The following ANKS1B variants were observed in gnomAD, a reference collection of about 807,000 sequenced individuals.
ANKS1B encodes ankyrin repeat and sterile alpha motif domain-containing protein 1B.
ANKS1B carries 36 observed loss-of-function variants against 148.3 expected under a neutral mutation model. That is an observed-to-expected ratio of 0.24 (90% CI 0.19 to 0.32). The LOEUF (loss-of-function observed/expected upper bound fraction) is 0.32, where lower values mean the gene tolerates loss of function less well. Among genes scored for constraint, ANKS1B ranks in the 10% least tolerant of loss-of-function variants. ANKS1B has a pLI of 1.00. For synonymous variants in ANKS1B, 542 were observed against 560.8 expected (o/e 0.97, Z 0.47); for missense variants, 1,157 against 1,542.6 (o/e 0.75, Z 4.19).
chr12:99,969,304 G>T (rs1425313697), intron 1 of ANKS1B, among the ~76,000 whole-genome samples: 2 of 152,040 alleles, frequency 1.3e-5, no homozygotes, highest in Non-Finnish European at 2.9e-5. Context: ...TCATCCCCCT[G>T]AGTAGCTAGG....
intron 15 of ANKS1B, among the ~76,000 whole-genome samples, chr12:99,135,904 A>T (rs1485313194): frequency 6.6e-6 from 1 of 152,202 alleles, no homozygotes; most frequent in African/African-American, 2.4e-5. Context: ...AGGAAGACTA[A>T]GGATTAATGT....
intron 10 of ANKS1B, among the ~76,000 whole-genome samples, chr12:99,496,963 T>G (rs1483913225): frequency 1.3e-5 from 2 of 152,112 alleles, no homozygotes; most frequent in Non-Finnish European, 2.9e-5. Context: ...CTCTCCCTAT[T>G]ATGTATTGAA....
intron 9 of ANKS1B, among the ~76,000 whole-genome samples, chr12:99,512,119 A>T (rs893623591): frequency 6.6e-6 from 1 of 152,164 alleles, no homozygotes; most frequent in Non-Finnish European, 1.5e-5. Context: ...CAACAGAGTG[A>T]ACAGACAACC....
intron 12 of ANKS1B, among the ~76,000 whole-genome samples, chr12:99,360,663 C>A (rs2092391674): frequency 6.6e-6 from 1 of 152,024 alleles, no homozygotes. Context: ...ACAGCATGTA[C>A]AAAATAGTGG....
chr12:98,761,507 C>T (rs2098405120), intron 25 of ANKS1B, among the ~76,000 whole-genome samples: 1 of 152,184 alleles, frequency 6.6e-6, no homozygotes, highest in Admixed American at 6.5e-5. Context: ...GCTCCCATAC[C>T]TTTCCACAAC....
At chr12:99,017,956 A>C (rs1000118115) in intron 17 of ANKS1B, among the ~76,000 whole-genome samples, 3 of 152,136 alleles carry the variant, frequency 2.0e-5, no homozygotes, top group African/African-American at 7.2e-5. Context: ...GAAAATGTAC[A>C]AATAGTAAAC....
chr12:99,915,659 T>C (rs1156780959), intron 1 of ANKS1B, among the ~76,000 whole-genome samples: 1 of 152,184 alleles, frequency 6.6e-6, no homozygotes, highest in African/African-American at 2.4e-5. Context: ...GTGGCAATGG[T>C]TGATAAGTCA....
intron 2 of ANKS1B, among the ~76,000 whole-genome samples, chr12:99,823,727 C>A (rs1448217439): frequency 6.6e-6 from 1 of 152,192 alleles, no homozygotes; most frequent in Non-Finnish European, 1.5e-5. Context: ...TGAGATCTTA[C>A]ATTTAAATCT....
intron 12 of ANKS1B, among the ~76,000 whole-genome samples, chr12:99,373,015 T>C (rs922968453): frequency 1.1e-4 from 16 of 152,158 alleles, no homozygotes; most frequent in African/African-American, 3.1e-4. Flanking sequence ...TCCTCATAGA[T>C]AGATCATGAA....
At chr12:99,595,880 T>C (rs998902398) in intron 9 of ANKS1B, among the ~76,000 whole-genome samples, 22 of 151,956 alleles carry the variant, frequency 1.4e-4, no homozygotes, top group African/African-American at 5.3e-4. Context: ...ACTTTTGAAA[T>C]TACAACCTAA....
At chr12:99,355,883 G>A (rs893887623) in intron 12 of ANKS1B, among the ~76,000 whole-genome samples, 7 of 151,788 alleles carry the variant, frequency 4.6e-5, no homozygotes, top group African/African-American at 1.7e-4. Flanking sequence ...CCTACCCTTC[G>A]TAGTGTTTTA....
intron 25 of ANKS1B, among the ~76,000 whole-genome samples, chr12:98,759,788 C>T (rs1229839446): frequency 2.0e-5 from 3 of 151,974 alleles, no homozygotes; most frequent in South Asian, 2.1e-4. Context: ...AAGACCACCC[C>T]GGGCAACATG....
chr12:99,555,624 A>G (rs1396555371), intron 9 of ANKS1B, among the ~76,000 whole-genome samples: 1 of 152,034 alleles, frequency 6.6e-6, no homozygotes, highest in Non-Finnish European at 1.5e-5. Context: ...TCAATCCTAC[A>G]TTGTTGAGGG....
intron 8 of ANKS1B, among the ~76,000 whole-genome samples, chr12:99,702,862 G>T (rs1308525216): frequency 6.7e-6 from 1 of 149,994 alleles, no homozygotes; most frequent in Non-Finnish European, 1.5e-5. Flanking sequence ...CAATGTTCTA[G>T]AGAGTTTCCC....
chr12:98,973,807 CTTT>C (rs961712190), intron 17 of ANKS1B, among the ~76,000 whole-genome samples: 1 of 151,934 alleles, frequency 6.6e-6, no homozygotes, highest in Non-Finnish European at 1.5e-5. Flanking sequence ...ATAAATTAAA[CTTT>C]ATTATAGATA....
chr12:98,761,720 A>G (rs2098409598), intron 25 of ANKS1B, among the ~76,000 whole-genome samples: 2 of 152,228 alleles, frequency 1.3e-5, no homozygotes, highest in Non-Finnish European at 2.9e-5. Context: ...TATTTATTCC[A>G]GGACTTACTT....
At chr12:99,810,059 T>C (rs1377954446) in intron 3 of ANKS1B, among the ~76,000 whole-genome samples, 1 of 152,008 alleles carries the variant, frequency 6.6e-6, no homozygotes, top group Non-Finnish European at 1.5e-5. Flanking sequence ...CATTAAGTGA[T>C]AGGATTTAGG....
At chr12:99,495,529 G>T (rs1056935547) in intron 10 of ANKS1B, among the ~76,000 whole-genome samples, 1 of 152,056 alleles carries the variant, frequency 6.6e-6, no homozygotes, top group Non-Finnish European at 1.5e-5. Context: ...TTCTCTCTTT[G>T]CCCATCCATG....
At chr12:99,979,513 TCAG>T (rs1422057168) in intron 1 of ANKS1B, among the ~76,000 whole-genome samples, 1 of 152,052 alleles carries the variant, frequency 6.6e-6, no homozygotes, top group Non-Finnish European at 1.5e-5. Context: ...ACAAATAACT[TCAG>T]GAGATTACTG....
Sources: gnomAD v4.1 joint callset for allele counts (sites outside exome capture counted in the v4.1 genomes callset) on GRCh38, gnomAD v4.1.1 for gene constraint, MANE v1.5 for transcripts, NCBI Gene and HGNC (gene_info 2026-07-23, HGNC 2026-07-21) for gene names.